Variants in ARHGAP19 observed in about 807,000 individuals in gnomAD.
ARHGAP19 encodes Rho GTPase activating protein 19, also known as rho GTPase-activating protein 19.
In ARHGAP19, 48 loss-of-function variants were observed where a neutral mutation model predicts 60.9. The ratio of observed to expected loss-of-function variants is 0.79; its 90% confidence interval spans 0.62 to 1.00. The LOEUF is 1.00. Among genes scored for constraint, ARHGAP19 ranks in the 50% least tolerant of loss-of-function variants. The pLI is 0.00. For missense variants in ARHGAP19, 562 were observed against 597.2 expected (o/e 0.94, Z 0.61); for synonymous variants, 209 against 215.5 (o/e 0.97, Z 0.27).
intron 6 of ARHGAP19, among the ~76,000 whole-genome samples, chr10:97,250,548 T>C (rs982471136): frequency 4.6e-5 from 7 of 151,588 alleles, no homozygotes; most frequent in African/African-American, 1.7e-4. Context: ...CACGCCCGGC[T>C]AATTTTTGTA....
chr10:97,256,981 C>T (rs961206197), intron 5 of ARHGAP19, among the ~76,000 whole-genome samples: 2 of 152,078 alleles, frequency 1.3e-5, no homozygotes, highest in African/African-American at 4.8e-5. Flanking sequence ...ATTAGCCGGG[C>T]GTGGTGGCGG....
At chr10:97,229,899 G>T (rs536128340) in intron 9 of ARHGAP19, 25 bp from the exon 10 acceptor site, 2 of 1,523,912 alleles carry the variant, frequency 1.3e-6, no homozygotes, top group Admixed American at 3.5e-5. Context: ...GAAAACATTT[G>T]ATTTATAAAC....
In ARHGAP19 at chr10:97,224,951, T is replaced by C. The variant is rs1037456686; in HGVS notation, c.*1171A>G. The C allele has an allele frequency of 1.3e-5, 2 of 152,256 alleles. No homozygotes were observed. The highest frequency in any genetic ancestry group is 1.3e-4 in the Admixed American group (2 of 15,286). 9.4% of individuals were successfully genotyped at this position (152,256 alleles called of 1,614,324 possible). A position where few individuals can be genotyped will look rare whatever the true frequency, so the allele number is the denominator to read the frequency against. ...GCGGAACAGTAACACTCCTTGAACATTGGTGACAAGCCACAGCTGCTTCCA... is the reference window on the plus strand; with the variant it reads ...GCGGAACAGTAACACTCCTTGAACACTGGTGACAAGCCACAGCTGCTTCCA... On this transcript the variant is annotated 3_prime_UTR_variant, in exon 12 of 12. Transcript: ENST00000358531.
chr10:97,272,144 TTTTTTTTTTCAGACAGAG>T (rs1474377002), intron 1 of ARHGAP19, among the ~76,000 whole-genome samples: 1 of 144,044 alleles, frequency 6.9e-6, no homozygotes, highest in Middle Eastern at 3.2e-3. Flanking sequence ...TTTTTTTTTT[TTTTTTTTTTCAGACAGAG>T]TCTCACTCTG....
chr10:97,239,515 A>G, intron 8 of ARHGAP19, among the ~76,000 whole-genome samples: 1 of 151,088 alleles, frequency 6.6e-6, no homozygotes, highest in African/African-American at 2.4e-5. Context: ...AAAAAAAAGA[A>G]AAATAAGAAA....
intron 4 of ARHGAP19, among the ~76,000 whole-genome samples, chr10:97,262,179 TAAA>T (rs397847442): frequency 2.9e-4 from 39 of 135,630 alleles, no homozygotes; most frequent in African/African-American, 1.0e-3. Flanking sequence ...GGCTTTCTTT[TAAA>T]AAAAAAAAAA....
intron 3 of ARHGAP19, among the ~76,000 whole-genome samples, 198 bp downstream of exon 3, chr10:97,264,628 T>C (rs952183864): frequency 4.6e-5 from 7 of 152,132 alleles, no homozygotes; most frequent in African/African-American, 1.7e-4. Context: ...TTATATACAC[T>C]TTGAGAGTAT....
intron 8 of ARHGAP19, among the ~76,000 whole-genome samples, chr10:97,239,543 AG>A (rs1842436961): frequency 1.6e-5 from 2 of 127,678 alleles, no homozygotes; most frequent in Admixed American, 8.0e-5. Flanking sequence ...TGAGAGAGAG[AG>A]AGAGAGGGTG....
At chr10:97,235,187 A>G in intron 9 of ARHGAP19, 30 bp downstream of exon 9, 2 of 1,546,072 alleles carry the variant, frequency 1.3e-6, no homozygotes, top group Non-Finnish European at 1.8e-6. Context: ...CTAAAAATCA[A>G]TGCTGAAAAC....
intron 1 of ARHGAP19, among the ~76,000 whole-genome samples, chr10:97,289,776 C>A (rs1843205133): frequency 6.6e-6 from 1 of 151,494 alleles, no homozygotes; most frequent in East Asian, 1.9e-4. Context: ...ACCAGTTGAG[C>A]CCAGGAGGTT....
chr10:97,291,995 C>A (rs1324605383), intron 1 of ARHGAP19, among the ~76,000 whole-genome samples: 4 of 152,044 alleles, frequency 2.6e-5, no homozygotes, highest in Non-Finnish European at 5.9e-5. Context: ...AAATCTATTG[C>A]GTAGAGTTGT....
At chr10:97,267,172 G>A (rs1842909053) in intron 1 of ARHGAP19, among the ~76,000 whole-genome samples, 1 of 152,188 alleles carries the variant, frequency 6.6e-6, no homozygotes, top group African/African-American at 2.4e-5. Flanking sequence ...CATTCCAAAT[G>A]GGAGAAATTG....
intron 9 of ARHGAP19, 111 bp downstream of exon 9, chr10:97,235,106 G>A: frequency 1.0e-6 from 1 of 959,888 alleles, no homozygotes; most frequent in Non-Finnish European, 1.6e-6. Context: ...TTATAAACTA[G>A]CCCTTTATAG....
chr10:97,243,865 C>T, intron 8 of ARHGAP19, 103 bp downstream of exon 8: 1 of 1,220,582 alleles, frequency 8.2e-7, no homozygotes, highest in Non-Finnish European at 1.1e-6. Flanking sequence ...GATTTCTCAG[C>T]TGAACCAAAA....
At chr10:97,267,284 C>T (rs929995730) in intron 1 of ARHGAP19, among the ~76,000 whole-genome samples, 2 of 152,238 alleles carry the variant, frequency 1.3e-5, no homozygotes, top group Non-Finnish European at 2.9e-5. Context: ...CCACGTCTCA[C>T]ATCCAGGTCA....
chr10:97,251,175 G>GC (rs144126643), intron 6 of ARHGAP19, among the ~76,000 whole-genome samples: 3,033 of 96,438 alleles, frequency 0.031, 90 homozygotes, highest in Non-Finnish European at 0.047. Flanking sequence ...GGAAGGGGAA[G>GC]GGAAAGGGAA....
intron 8 of ARHGAP19, among the ~76,000 whole-genome samples, chr10:97,239,390 G>GGAGGCT (rs1028721260): frequency 3.4e-4 from 51 of 152,222 alleles, no homozygotes; most frequent in African/African-American, 1.1e-3. Context: ...CAGCTACTCT[G>GGAGGCT]GAGGCTGAGG....
At chr10:97,226,265 T>C in intron 11 of ARHGAP19, 133 bp from the exon 12 acceptor site, 1 of 830,704 alleles carries the variant, frequency 1.2e-6, no homozygotes, top group Admixed American at 2.6e-5. Context: ...TAATTAAGAA[T>C]GTGTGACTCT....
At chr10:97,251,207 AGGGGAAG>A (rs1842644537) in intron 6 of ARHGAP19, among the ~76,000 whole-genome samples, 1 of 33,426 alleles carries the variant, frequency 3.0e-5, no homozygotes, top group Non-Finnish European at 5.6e-5. Context: ...GGGAAAGGGA[AGGGGAAG>A]GGGAATGGAA....
Sources: gnomAD v4.1 joint callset for allele counts (sites outside exome capture counted in the v4.1 genomes callset) on GRCh38, gnomAD v4.1.1 for gene constraint, MANE v1.5 for transcripts, NCBI Gene and HGNC (gene_info 2026-07-23, HGNC 2026-07-21) for gene names.